The following RBFOX1 variants were observed in gnomAD, a reference collection of about 807,000 sequenced individuals.
The protein encoded by RBFOX1 is RNA binding protein fox-1 homolog 1.
RBFOX1 carries 8 observed loss-of-function variants against 57.7 expected under a neutral mutation model. That is an observed-to-expected ratio of 0.14 (90% CI 0.08 to 0.25). RBFOX1 has a LOEUF of 0.25. Among genes scored for constraint, RBFOX1 ranks in the 10% least tolerant of loss-of-function variants. RBFOX1 has a pLI of 1.00. For synonymous variants in RBFOX1, 326 were observed against 222.4 expected (o/e 1.47, Z -4.15); for missense variants, 611 against 548.5 (o/e 1.11, Z -1.14).
chr16:7,512,625 G>T (rs1322596076), intron 4 of RBFOX1, among the ~76,000 whole-genome samples: 1 of 152,162 alleles, frequency 6.6e-6, no homozygotes, highest in Non-Finnish European at 1.5e-5. Flanking sequence ...TGGCTACCAT[G>T]GACTCAGTCC....
At chr16:7,513,346 G>T (rs1181672863) in intron 4 of RBFOX1, among the ~76,000 whole-genome samples, 2 of 152,158 alleles carry the variant, frequency 1.3e-5, no homozygotes, top group Non-Finnish European at 2.9e-5. Context: ...TGCTAGATGA[G>T]AAATGCCTTG....
At chr16:6,819,663 G>C (rs11866105) in intron 3 of RBFOX1, among the ~76,000 whole-genome samples, 75,052 of 137,280 alleles carry the variant, frequency 0.55, 20,239 homozygotes, top group Non-Finnish European at 0.6. Flanking sequence ...CAGGATCAAG[G>C]CATTGCATTC....
rs572813561 is a variant in RBFOX1, at chr16:7,401,998, C to T, written c.28-116149C>T. Among the ~76,000 whole-genome samples the T allele has an allele frequency of 3.9e-5, 6 of 152,206 alleles. No individual in the cohort carries two copies. In the East Asian group the frequency reaches 1.2e-3, roughly 29 times the overall value. On this transcript the variant is annotated intron_variant, in intron 4 of 15. Transcript: ENST00000550418. ...CATGCAGCAGGTAGATGTTCTTTTCCTTCCCTTTAAAAAGTTATTTTTATT... is the reference window on the plus strand; with the variant it reads ...CATGCAGCAGGTAGATGTTCTTTTCTTTCCCTTTAAAAAGTTATTTTTATT...
intron 4 of RBFOX1, among the ~76,000 whole-genome samples, chr16:7,315,329 C>G (rs73559866): frequency 0.021 from 3,246 of 151,936 alleles, 63 homozygotes; most frequent in African/African-American, 0.051. Flanking sequence ...TTAGGAAATG[C>G]TCTTGAGTTA....
At chr16:5,916,342 C>G (rs1467534822) in intron 4 of RBFOX1, among the ~76,000 whole-genome samples, 1 of 152,154 alleles carries the variant, frequency 6.6e-6, no homozygotes, top group African/African-American at 2.4e-5. Flanking sequence ...GTCTTACTGT[C>G]TATCAGCTTG....
At chr16:5,861,660 C>G (rs2151887435) in intron 3 of RBFOX1, among the ~76,000 whole-genome samples, 1 of 152,324 alleles carries the variant, frequency 6.6e-6, no homozygotes, top group African/African-American at 2.4e-5. Context: ...CTAATCCACC[C>G]ATGCCCCATG....
intron 3 of RBFOX1, among the ~76,000 whole-genome samples, chr16:6,754,663 G>C (rs1042725429): frequency 6.6e-6 from 1 of 152,044 alleles, no homozygotes; most frequent in Non-Finnish European, 1.5e-5. Context: ...AGAGGTGGGA[G>C]AAAGAGAGAA....
chr16:5,709,463 C>G (rs1207808689), intron 3 of RBFOX1, among the ~76,000 whole-genome samples: 2 of 151,996 alleles, frequency 1.3e-5, no homozygotes, highest in Non-Finnish European at 1.5e-5. Flanking sequence ...TTTTATCATT[C>G]ATTTCCTTTC....
chr16:6,819,724 A>AC (rs2090912081), intron 3 of RBFOX1, among the ~76,000 whole-genome samples: 1 of 144,000 alleles, frequency 6.9e-6, no homozygotes, highest in Non-Finnish European at 1.5e-5. Context: ...AAAAAAAAAA[A>AC]AAAAAAATAA....
At chr16:6,816,062 C>G (rs1485772149) in intron 3 of RBFOX1, among the ~76,000 whole-genome samples, 1 of 152,118 alleles carries the variant, frequency 6.6e-6, no homozygotes, top group Admixed American at 6.6e-5. Flanking sequence ...TGTCCCAGCA[C>G]TTTTGGAGGC....
chr16:6,297,266 C>T (rs1193924490), intron 1 of RBFOX1, among the ~76,000 whole-genome samples: 1 of 152,132 alleles, frequency 6.6e-6, no homozygotes, highest in Admixed American at 6.5e-5. Context: ...ACTTAGAATG[C>T]CTTAACTGTC....
At chr16:5,493,440 C>G (rs185975657) in intron 2 of RBFOX1, among the ~76,000 whole-genome samples, 4 of 152,248 alleles carry the variant, frequency 2.6e-5, no homozygotes, top group African/African-American at 9.6e-5. Flanking sequence ...TACCTGAGAT[C>G]TAAGGTGTAA....
intron 2 of RBFOX1, among the ~76,000 whole-genome samples, chr16:6,607,639 C>G (rs2097959220): frequency 6.6e-6 from 1 of 151,920 alleles, no homozygotes; most frequent in Non-Finnish European, 1.5e-5. Context: ...CTCTATCTCT[C>G]CTCTCTCTTT....
intron 5 of RBFOX1, among the ~76,000 whole-genome samples, chr16:7,567,393 ATATATATATATCCC>A (rs1383612246): frequency 1.0e-4 from 11 of 104,962 alleles, no homozygotes; most frequent in African/African-American, 2.9e-4. Flanking sequence ...GTATGGCCCT[ATATATATATATCCC>A]TATATATATA....
intron 4 of RBFOX1, among the ~76,000 whole-genome samples, chr16:7,107,096 T>G (rs1422058595): frequency 1.3e-5 from 2 of 152,114 alleles, no homozygotes; most frequent in South Asian, 4.1e-4. Flanking sequence ...TAAGCCTGTT[T>G]CGAAAGTTGG....
chr16:6,684,388 A>G (rs1334360317), intron 3 of RBFOX1, among the ~76,000 whole-genome samples: 1 of 152,222 alleles, frequency 6.6e-6, no homozygotes, highest in Non-Finnish European at 1.5e-5. Context: ...TTGAGGGCAG[A>G]TGTTTTCATC....
At chr16:7,691,968 G>T (rs927179036) in intron 14 of RBFOX1, among the ~76,000 whole-genome samples, 1 of 152,164 alleles carries the variant, frequency 6.6e-6, no homozygotes, top group Non-Finnish European at 1.5e-5. Context: ...TATCATACCT[G>T]TAGTTAGGAA....
chr16:7,261,057 A>T (rs1410085962), intron 4 of RBFOX1, among the ~76,000 whole-genome samples: 1 of 152,136 alleles, frequency 6.6e-6, no homozygotes, highest in Non-Finnish European at 1.5e-5. Context: ...CCACCTGAAA[A>T]ATGGCCCAAA....
chr16:7,481,296 C>T (rs935032127), intron 4 of RBFOX1, among the ~76,000 whole-genome samples: 20 of 152,144 alleles, frequency 1.3e-4, no homozygotes, highest in African/African-American at 4.8e-4. Flanking sequence ...TAATAGAAAT[C>T]GCATTATCTA....
Sources: allele counts gnomAD v4.1 joint callset (sites outside exome capture counted in the v4.1 genomes callset), GRCh38; gene constraint gnomAD v4.1.1; transcripts MANE v1.5; gene names NCBI Gene and HGNC (gene_info 2026-07-23, HGNC 2026-07-21).